The following GLRA3 variants were observed in gnomAD, a reference collection of about 807,000 sequenced individuals.
The protein encoded by GLRA3 is glycine receptor subunit alpha-3.
A neutral mutation model predicts 60.4 loss-of-function variants in GLRA3; 44 were observed. The observed-to-expected ratio is 0.73, with a 90% CI of 0.57 to 0.94. The LOEUF (loss-of-function observed/expected upper bound fraction) is 0.94, where lower values mean the gene tolerates loss of function less well. Among genes scored for constraint, GLRA3 ranks in the 40% least tolerant of loss-of-function variants. The probability of loss-of-function intolerance (pLI) is 0.00; values close to 1 mark genes in which losing one functional copy is unlikely to be tolerated. For synonymous variants in GLRA3, 223 were observed against 192.9 expected, an observed-to-expected ratio of 1.16 and a Z score of -1.29; for missense variants, 508 against 564.6, an observed-to-expected ratio of 0.90 and a Z score of 1.02.
intron 3 of GLRA3, among the ~76,000 whole-genome samples, chr4:174,729,586 C>T (rs1012378572): frequency 7.2e-5 from 11 of 152,146 alleles, no homozygotes; most frequent in Non-Finnish European, 1.6e-4. Flanking sequence ...TTTGGACTAA[C>T]GCGTAGAATG....
rs1171489270 is a variant in GLRA3 at position 174,676,119 on chromosome 4, A to C, written c.927+959T>G. Among the ~76,000 whole-genome samples the C allele has an allele frequency of 2.6e-5, 4 of 152,098 alleles. No homozygotes were observed. The East Asian group carries it at 5.8e-4, about 22-fold the overall frequency. Reference sequence around the variant, plus strand: ...GACGTCATTTTAGGGGAAGAAAATAATTTTCTATTTCTATGCAGCTAAATA... The same window carrying C: ...GACGTCATTTTAGGGGAAGAAAATACTTTTCTATTTCTATGCAGCTAAATA... On this transcript the variant is annotated intron_variant, in intron 7 of 9. Coordinates refer to ENST00000274093, the MANE Select transcript of GLRA3 (RefSeq NM_006529.4).
At chr4:174,781,223 A>T (rs1443703608) in intron 2 of GLRA3, among the ~76,000 whole-genome samples, 25 of 152,044 alleles carry the variant, frequency 1.6e-4, no homozygotes, top group South Asian at 8.3e-4. Context: ...TACTGGGTAC[A>T]TAACGAAATG....
intron 6 of GLRA3, among the ~76,000 whole-genome samples, chr4:174,681,083 AG>A (rs1215357155): frequency 3.9e-5 from 6 of 152,244 alleles, no homozygotes; most frequent in African/African-American, 1.4e-4. Flanking sequence ...GCTTCTGGAC[AG>A]TACAGTGCTT....
At chr4:174,685,701 T>G (rs953006890) in intron 5 of GLRA3, among the ~76,000 whole-genome samples, 2 of 152,230 alleles carry the variant, frequency 1.3e-5, no homozygotes, top group African/African-American at 4.8e-5. Context: ...ATAAATCCTT[T>G]AATATGTCCA....
intron 1 of GLRA3, among the ~76,000 whole-genome samples, chr4:174,821,643 G>C (rs958005825): frequency 6.6e-6 from 1 of 151,966 alleles, no homozygotes; most frequent in Admixed American, 6.6e-5. Flanking sequence ...GTCTACAAAA[G>C]GTGCTTTAAG....
intron 2 of GLRA3, among the ~76,000 whole-genome samples, chr4:174,782,835 A>G (rs558472720): frequency 7.2e-4 from 110 of 152,194 alleles, no homozygotes; most frequent in African/African-American, 2.6e-3. Flanking sequence ...AAACAAATGG[A>G]AGAACATTCC....
At chr4:174,676,360 T>TGG (rs201553686) in intron 7 of GLRA3, among the ~76,000 whole-genome samples, 9,934 of 152,102 alleles carry the variant, frequency 0.065, 389 homozygotes, top group South Asian at 0.12. Context: ...GGGCTCAGGG[T>TGG]GCAGCACTAT....
In GLRA3 at chr4:174,738,205, T is replaced by C. The variant is rs571762798; in HGVS notation, c.268-9507A>G. ...CCTCATTTAGGACAGCTCTTGACAG[T>C]AACAGATGAAATGTTTGCTTCTTCT... On this transcript the variant is annotated intron_variant, in intron 3 of 9. Transcript: ENST00000274093. 2.6e-5 allele frequency among the ~76,000 whole-genome samples: 4 copies of C among 152,334 alleles called. No individual in the cohort carries two copies. The South Asian group carries it at 6.2e-4, about 24-fold the overall frequency.
At chr4:174,728,938 C>CT (rs1226118592) in intron 3 of GLRA3, among the ~76,000 whole-genome samples, 1 of 152,064 alleles carries the variant, frequency 6.6e-6, no homozygotes, top group Non-Finnish European at 1.5e-5. Context: ...AAAATAAAGT[C>CT]TTATAAAAAA....
chr4:174,686,325 A>C (rs1734551448), intron 5 of GLRA3, among the ~76,000 whole-genome samples: 1 of 152,246 alleles, frequency 6.6e-6, no homozygotes, highest in Admixed American at 6.5e-5. Flanking sequence ...AGATCTTTAT[A>C]CAAGTCTGAG....
chr4:174,761,382 T>C (rs1737939996), intron 3 of GLRA3, among the ~76,000 whole-genome samples: 2 of 152,174 alleles, frequency 1.3e-5, no homozygotes, highest in South Asian at 2.1e-4. Context: ...ATCATTTGTA[T>C]GAAAATTGAA....
intron 5 of GLRA3, among the ~76,000 whole-genome samples, chr4:174,705,286 GC>G (rs941441294): frequency 2.8e-5 from 4 of 143,172 alleles, no homozygotes; most frequent in African/African-American, 1.0e-4. Flanking sequence ...GTGGGGTGAT[GC>G]AATGAAAACG....
intron 3 of GLRA3, among the ~76,000 whole-genome samples, chr4:174,750,318 G>A (rs374269708): frequency 6.6e-6 from 1 of 152,064 alleles, no homozygotes; most frequent in Non-Finnish European, 1.5e-5. Context: ...GGCTCCTATG[G>A]GTTATTTGGC....
chr4:174,712,314 T>C lies in GLRA3; in HGVS notation c.574+3174A>G, dbSNP rs1186500879. Among the ~76,000 whole-genome samples the C allele has an allele frequency of 3.3e-5, 5 of 152,178 alleles. No homozygotes were observed. The South Asian group carries it at 8.3e-4, about 25-fold the overall frequency. On this transcript the variant is annotated intron_variant, in intron 5 of 9. Transcript: ENST00000274093. ...ATTAAGATTTGCTTATCATCTTTAA[T>C]TGAATTATTATATTGGCATAAATAT...
intron 9 of GLRA3, among the ~76,000 whole-genome samples, chr4:174,647,464 A>G (rs1049216530): frequency 2.0e-5 from 3 of 151,410 alleles, no homozygotes; most frequent in Non-Finnish European, 4.4e-5. Flanking sequence ...AGACACAGCC[A>G]GTAAAGCAAG....
intron 3 of GLRA3, among the ~76,000 whole-genome samples, chr4:174,744,244 C>G (rs1737141531): frequency 2.0e-5 from 3 of 152,258 alleles, no homozygotes; most frequent in African/African-American, 7.2e-5. Context: ...ATTGCCCACA[C>G]CACACTGGCT....
chr4:174,789,929 T>A (rs1739258780), intron 1 of GLRA3, among the ~76,000 whole-genome samples: 1 of 152,232 alleles, frequency 6.6e-6, no homozygotes. Context: ...CACCACATGA[T>A]CATAACAAGA....
chr4:174,795,049 TGTA>T (rs1184384030), intron 1 of GLRA3, among the ~76,000 whole-genome samples: 2 of 150,638 alleles, frequency 1.3e-5, no homozygotes, highest in African/African-American at 4.8e-5. Flanking sequence ...ATATTTATAT[TGTA>T]TATATATATA....
At chr4:174,646,052 G>A (rs1469469975) in intron 9 of GLRA3, among the ~76,000 whole-genome samples, 2 of 152,146 alleles carry the variant, frequency 1.3e-5, no homozygotes, top group Admixed American at 6.5e-5. Flanking sequence ...CAACCTATGT[G>A]TTAAAAGACA....
Sources: gnomAD v4.1 joint callset for allele counts (sites outside exome capture counted in the v4.1 genomes callset) on GRCh38, gnomAD v4.1.1 for gene constraint, MANE v1.5 for transcripts, NCBI Gene and HGNC (gene_info 2026-07-23, HGNC 2026-07-21) for gene names.